C6orf136: variants seen among roughly 807,000 people sequenced by gnomAD.
C6orf136 encodes uncharacterized protein C6orf136.
In C6orf136, 29 loss-of-function variants were observed where a neutral mutation model predicts 44.0. That is an observed-to-expected ratio of 0.66 (90% confidence interval 0.49 to 0.90). The LOEUF (loss-of-function observed/expected upper bound fraction) is 0.90. C6orf136 is among the 40% of genes least tolerant of loss of function. The pLI is 0.00. For synonymous variants in C6orf136, 293 were observed against 278.6 expected (o/e 1.05, Z -0.52); for missense variants, 628 against 669.3 (o/e 0.94, Z 0.68).
Position 30,647,518 on chromosome 6 carries a change from C to G in C6orf136, c.287C>G (p.Pro96Arg). Residue 96 changes from proline (P) to arginine (R), a missense_variant, in exon 1 of 6, where the codon CCA becomes CGA. Pro to Arg is a moderately radical substitution (Grantham distance 103). This residue lies in a region of C6orf136 where 497 missense variants were observed against 469.2 expected (regional missense o/e 1.06). Coordinates refer to ENST00000651131, the MANE Select transcript of C6orf136 (RefSeq NM_001161376.2). This position sits in a 1 kb window ranked among gnomAD's most constrained non-coding sequence, Gnocchi z 4.8. ...TGTCGCGCAAGGACGTCGGTCCTCCCAGGTTTGAGGGCGGTCAGGCGGGGT... is the reference window on the plus strand; with the variant it reads ...TGTCGCGCAAGGACGTCGGTCCTCCGAGGTTTGAGGGCGGTCAGGCGGGGT... ...RACRARTSVL[P>R]GLRAVRRGQG... The G allele has an allele frequency of 6.6e-7, 1 of 1,513,770 alleles. No individual in the cohort carries two copies. The allele number at this position is 1,513,770 out of a possible 1,614,324, so 93.8% of individuals were successfully genotyped here.
rs200121038 is a variant in C6orf136, at chr6:30,649,755, G to C, written c.813G>C (p.Lys271Asn). ...SSAWVVLPPG[K>N]GEEGPGPELH... ...CATGGGTGGTTCTCCCTCCAGGAAA[G>C]GGGGAGGAGGGACCAGGACCTGAGT... Residue 271 changes from lysine to asparagine, a missense_variant, in exon 2 of 6, where the codon AAG (lysine) becomes AAC (asparagine). By Grantham distance (94) the Lys-to-Asn change is moderately conservative. This residue lies in a region of C6orf136 where 497 missense variants were observed against 469.2 expected (regional missense o/e 1.06). Transcript: ENST00000651131. The C allele has an allele frequency of 4.4e-4, 713 of 1,613,956 alleles. 11 individuals are homozygous for C. Among genetic ancestry groups the C allele is most frequent in the Middle Eastern group, 2.6e-3 (16 of 6,060 alleles).
At position 30,652,917 on chromosome 6, in the gene C6orf136, C is replaced by A. The variant is rs150959328; in HGVS notation, c.*2C>A. 4.5e-5 allele frequency: 73 copies of A among 1,611,028 alleles called. No individual in the cohort carries two copies. The highest frequency in any genetic ancestry group is 1.2e-4 in the South Asian group (11 of 91,046). ...TTAAACCTGTGTTCCAAGCCCTGAT[C>A]CTTGACCTTGGAGTGGAGGCAGCAC... On this transcript the variant is annotated 3_prime_UTR_variant, in exon 6 of 6. Coordinates refer to ENST00000651131, the MANE Select transcript of C6orf136 (RefSeq NM_001161376.2).
Position 30,647,181 on chromosome 6 carries a change from AGGAG to A in C6orf136, c.-49_-46del, listed in dbSNP as rs1400750808. 13 of 1,302,516 alleles carry A rather than the reference AGGAG, an allele frequency of 1.0e-5. No homozygotes were observed. The highest frequency in any genetic ancestry group is 1.6e-5 in the African/African-American group (1 of 62,542). The allele number at this position is 1,302,516 out of a possible 1,614,324, so 80.7% of individuals were successfully genotyped here. A position where few individuals can be genotyped will look rare whatever the true frequency, so the allele number is the denominator to read the frequency against. ...GCTCTGGGGCGCGCTCACCCCTGTG[AGGAG>A]GCCGGAGGTCGGACTCAGGAGGCTC... On this transcript the variant is annotated 5_prime_UTR_variant, in exon 1 of 6. Coordinates refer to ENST00000651131, the MANE Select transcript of C6orf136 (RefSeq NM_001161376.2). The surrounding 1 kb of genome is among the most constrained non-coding windows in gnomAD (Gnocchi z 4.8).
rs766593446 is a variant in C6orf136, at chr6:30,652,784, T to C, written c.1378-18T>C. The C allele has an allele frequency of 3.1e-6, 5 of 1,612,284 alleles. No individual in the cohort carries two copies. Among genetic ancestry groups the C allele is most frequent in the Admixed American group, 1.7e-5 (1 of 59,988 alleles). On this transcript the variant is annotated intron_variant, in intron 5 of 5. Coordinates refer to ENST00000651131, the MANE Select transcript of C6orf136 (RefSeq NM_001161376.2). ...TTTGTGTGCCTCCCCCAACTGGCAT[T>C]AACCTTTCTCCCTGCAGCTGATGCC...
Position 30,647,434 on chromosome 6 carries a change from C to T in C6orf136, c.203C>T (p.Ala68Val), listed in dbSNP as rs1766943556. ...CACCCGCCGCCCCTTCCCACCTGTG[C>T]CCTGCAGCGCGTGGACAGGCTAGGG... is the stretch of plus-strand genomic sequence containing the variant. ...QRHPPPLPTCALQRVDRLGVA... is the reference protein window; with the variant it reads ...QRHPPPLPTCVLQRVDRLGVA... The change falls in exon 1 of 6, where the codon GCC becomes GTC. Residue 68 changes from alanine to valine, a missense_variant. Ala to Val is a moderately conservative substitution (Grantham distance 64). Transcript: ENST00000651131. The surrounding 1 kb of genome is among the most constrained non-coding windows in gnomAD (Gnocchi z 4.8). 1 of 1,471,720 alleles carries T rather than the reference C, an allele frequency of 6.8e-7. No individual in the cohort carries two copies. 91.2% of individuals were successfully genotyped at this position (1,471,720 alleles called of 1,614,324 possible).
rs1226815720 is a variant in C6orf136 at position 30,647,174 on chromosome 6, C to A, written c.-58C>A. 2 of 1,480,242 alleles carry A rather than the reference C, an allele frequency of 1.4e-6. No individual in the cohort carries two copies. The highest frequency in any genetic ancestry group is 2.3e-5 in the Admixed American group (1 of 43,680). The allele number at this position is 1,480,242 out of a possible 1,614,324, so 91.7% of individuals were successfully genotyped here. ...GAAGCCGGCTCTGGGGCGCGCTCACCCCTGTGAGGAGGCCGGAGGTCGGAC... is the reference window on the plus strand; with the variant it reads ...GAAGCCGGCTCTGGGGCGCGCTCACACCTGTGAGGAGGCCGGAGGTCGGAC... On this transcript the variant is annotated 5_prime_UTR_variant, in exon 1 of 6. Coordinates refer to ENST00000651131, the MANE Select transcript of C6orf136 (RefSeq NM_001161376.2). The surrounding 1 kb of genome is among the most constrained non-coding windows in gnomAD (Gnocchi z 4.8).
chr6:30,651,590 T>A, intron 4 of C6orf136, 124 bp downstream of exon 4: 1 of 940,102 alleles, frequency 1.1e-6, no homozygotes, highest in Admixed American at 2.4e-5. Flanking sequence ...CACTGCAGCC[T>A]CTGCCTCCCG....
In C6orf136 at chr6:30,647,439, C is replaced by A; in HGVS notation, c.208C>A (p.Gln70Lys). The A allele has an allele frequency of 6.8e-7, 1 of 1,471,700 alleles. No individual in the cohort carries two copies. The highest frequency in any genetic ancestry group is 9.0e-7 in the Non-Finnish European group (1 of 1,107,816). The allele number at this position is 1,471,700 out of a possible 1,614,324, so 91.2% of individuals were successfully genotyped here. The change falls in exon 1 of 6, where the codon CAG becomes AAG. Residue 70 changes from glutamine to lysine, a missense_variant. Gln to Lys is a moderately conservative substitution (Grantham distance 53). Transcript: ENST00000651131. The surrounding 1 kb of genome is among the most constrained non-coding windows in gnomAD (Gnocchi z 4.8). ...HPPPLPTCAL[Q>K]RVDRLGVAGA... ...GCCGCCCCTTCCCACCTGTGCCCTG[C>A]AGCGCGTGGACAGGCTAGGGGTCGC...
chr6:30,647,665 G>A lies in C6orf136; in HGVS notation c.434G>A (p.Ser145Asn). The A allele has an allele frequency of 1.3e-6, 2 of 1,550,082 alleles. No individual in the cohort carries two copies. The highest frequency in any genetic ancestry group is 2.4e-5 in the East Asian group (1 of 40,906). The change falls in exon 1 of 6, where the codon AGT (serine) becomes AAT (asparagine). Residue 145 changes from serine (S) to asparagine (N), a missense_variant. Coordinates refer to ENST00000651131, the MANE Select transcript of C6orf136 (RefSeq NM_001161376.2). This position sits in a 1 kb window ranked among gnomAD's most constrained non-coding sequence, Gnocchi z 4.8. ...IRSPAAAPSR[S>N]SPAQTRPAGR... ...AGCCCTGCTGCGGCGCCGTCCCGGA[G>A]TTCCCCGGCCCAGACCAGACCCGCG...
In C6orf136 at chr6:30,647,532, G is replaced by A. The variant is rs995231343; in HGVS notation, c.301G>A (p.Val101Ile). 4 of 1,521,078 alleles carry A rather than the reference G, an allele frequency of 2.6e-6. No homozygotes were observed. The highest frequency in any genetic ancestry group is 2.0e-5 in the Admixed American group (1 of 49,288). The allele number at this position is 1,521,078 out of a possible 1,614,324, so 94.2% of individuals were successfully genotyped here. A position where few individuals can be genotyped will look rare whatever the true frequency, so the allele number is the denominator to read the frequency against. The change falls in exon 1 of 6, where the codon GTC becomes ATC. Residue 101 changes from valine to isoleucine, a missense_variant. This residue lies in a region of C6orf136 where 497 missense variants were observed against 469.2 expected (regional missense o/e 1.06). Transcript: ENST00000651131. This position sits in a 1 kb window ranked among gnomAD's most constrained non-coding sequence, Gnocchi z 4.8. ...GTCGGTCCTCCCAGGTTTGAGGGCG[G>A]TCAGGCGGGGTCAAGGCCAGGCAGC... ...RTSVLPGLRAVRRGQGQAAGR... is the reference protein window; with the variant it reads ...RTSVLPGLRAIRRGQGQAAGR...
chr6:30,647,263 G>C lies in C6orf136; in HGVS notation c.32G>C (p.Arg11Pro). ...CAGCCCAGCCGGGGTGCGGCCCGGC[G>C]TCTCGGCCCTTGCCTGCGCGCCTAC... Reference protein sequence around the residue: MYQPSRGAARRLGPCLRAYQA... With the variant: MYQPSRGAARPLGPCLRAYQA... The change falls in exon 1 of 6, where the codon CGT becomes CCT. Residue 11 changes from arginine (R) to proline (P), a missense_variant. Coordinates refer to ENST00000651131, the MANE Select transcript of C6orf136 (RefSeq NM_001161376.2). The surrounding 1 kb of genome is among the most constrained non-coding windows in gnomAD (Gnocchi z 4.8). 6.9e-6 allele frequency: 11 copies of C among 1,598,666 alleles called. No homozygotes were observed. The highest frequency in any genetic ancestry group is 9.4e-6 in the Non-Finnish European group (11 of 1,175,056).
chr6:30,647,305 T>C lies in C6orf136; in HGVS notation c.74T>C (p.Val25Ala). 1 of 1,596,428 alleles carries C rather than the reference T, an allele frequency of 6.3e-7. No individual in the cohort carries two copies. Among genetic ancestry groups the C allele is most frequent in the Non-Finnish European group, 8.5e-7 (1 of 1,173,776 alleles). The part of the protein sequence containing the change: ...CLRAYQARPQ[V>A]SGGEEGGRRG... ...CGCGCCTACCAGGCTCGACCCCAGG[T>C]GAGCGGAGGAGAAGAGGGAGGGAGG... is the stretch of plus-strand genomic sequence containing the variant. Residue 25 changes from valine (V) to alanine (A), a missense_variant, in exon 1 of 6, where the codon GTG (valine) becomes GCG (alanine). Around this residue, in one of 2 missense-constraint regions of C6orf136, gnomAD observed 497 missense variants for 469.2 expected, o/e 1.06. Transcript: ENST00000651131. This position sits in a 1 kb window ranked among gnomAD's most constrained non-coding sequence, Gnocchi z 4.8.
rs1169016046 is a variant in C6orf136 at position 30,653,025 on chromosome 6, C to T, written c.*110C>T. ...GCTTCCTCTCCTCGTTTCTCTCCTT[C>T]CTTCCTTTCCATCTCATGCTGTGTA... On this transcript the variant is annotated 3_prime_UTR_variant, in exon 6 of 6. Coordinates refer to ENST00000651131, the MANE Select transcript of C6orf136 (RefSeq NM_001161376.2). The T allele has an allele frequency of 8.6e-7, 1 of 1,156,340 alleles. No homozygotes were observed. The highest frequency in any genetic ancestry group is 1.3e-6 in the Non-Finnish European group (1 of 799,882). The allele number at this position is 1,156,340 out of a possible 1,614,324, so 71.6% of individuals were successfully genotyped here.
intron 1 of C6orf136, among the ~76,000 whole-genome samples, chr6:30,648,741 T>C (rs1314364612): frequency 2.2e-4 from 30 of 134,052 alleles, no homozygotes; most frequent in Middle Eastern, 3.8e-3. Context: ...GCACGGTGGC[T>C]CACGCCTGTA....
chr6:30,651,488 A>T lies in C6orf136; in HGVS notation c.1307+22A>T, dbSNP rs977306367. ...ACCGGTAAGAGAGAAATGAGAAAGG[A>T]CCCAAACTATAATCAGTTCCTTTTT... On this transcript the variant is annotated intron_variant, in intron 4 of 5. Coordinates refer to ENST00000651131, the MANE Select transcript of C6orf136 (RefSeq NM_001161376.2). 19 of 1,579,438 alleles carry T rather than the reference A, an allele frequency of 1.2e-5. 1 individual carries two copies. Among genetic ancestry groups the T allele is most frequent in the Non-Finnish European group, 1.6e-5 (19 of 1,162,516 alleles).
At chr6:30,649,502 A>C (rs1201936000) in intron 1 of C6orf136, 56 bp from the exon 2 acceptor site, 1 of 1,502,572 alleles carries the variant, frequency 6.7e-7, no homozygotes, top group Non-Finnish European at 8.9e-7. Flanking sequence ...CCAGGGGATC[A>C]AGGGGTGTTA....
chr6:30,650,102 G>A (rs1767266910), intron 2 of C6orf136, 143 bp downstream of exon 2: 6 of 821,584 alleles, frequency 7.3e-6, no homozygotes, highest in Non-Finnish European at 9.2e-6. Flanking sequence ...CTGAGAAAAT[G>A]ATGTTCCAGC....
intron 4 of C6orf136, among the ~76,000 whole-genome samples, chr6:30,652,278 CACACAA>C (rs1237666035): frequency 3.6e-5 from 4 of 110,302 alleles, no homozygotes; most frequent in Non-Finnish European, 5.8e-5. Context: ...CACACACACA[CACACAA>C]AAGTACTGAA....
At position 30,647,320 on chromosome 6, in the gene C6orf136, A is replaced by T. The variant is rs758309114; in HGVS notation, c.89A>T (p.Glu30Val). The change falls in exon 1 of 6, where the codon GAG (glutamate) becomes GTG (valine). Residue 30 changes from glutamate to valine, a missense_variant. This residue lies in a region of C6orf136 where 497 missense variants were observed against 469.2 expected (regional missense o/e 1.06). Coordinates refer to ENST00000651131, the MANE Select transcript of C6orf136 (RefSeq NM_001161376.2). The surrounding 1 kb of genome is among the most constrained non-coding windows in gnomAD (Gnocchi z 4.8). ...CGACCCCAGGTGAGCGGAGGAGAAG[A>T]GGGAGGGAGGAGAGGGGGCGGGGAG... The part of the protein sequence containing the change: ...QARPQVSGGE[E>V]GGRRGGGERP... 18 of 1,587,392 alleles carry T rather than the reference A, an allele frequency of 1.1e-5. No individual in the cohort carries two copies. The Admixed American group carries it at 1.3e-4, about 11-fold the overall frequency.
Sources: allele counts gnomAD v4.1 joint callset (sites outside exome capture counted in the v4.1 genomes callset), GRCh38; gene constraint gnomAD v4.1.1; regional missense constraint gnomAD v4.1.1; non-coding constraint Gnocchi (gnomAD v3.1); transcripts MANE v1.5; gene names NCBI Gene and HGNC (gene_info 2026-07-23, HGNC 2026-07-21).